ADGRL2: variants seen among roughly 807,000 people sequenced by gnomAD.
The protein encoded by ADGRL2 is adhesion G protein-coupled receptor L2, also known as calcium-independent alpha-latrotoxin receptor 2.
Under a neutral mutation model 157.4 loss-of-function variants are expected in ADGRL2, and 44 were observed. That is an observed-to-expected ratio of 0.28 (90% CI 0.22 to 0.36). The LOEUF (loss-of-function observed/expected upper bound fraction) is 0.36, where lower values mean the gene tolerates loss of function less well. Ranked by LOEUF, ADGRL2 falls within the 10% of genes least tolerant of loss-of-function variation. ADGRL2 has a pLI of 1.00. For missense variants in ADGRL2, 1,510 were observed against 1,768.9 expected (o/e 0.85, Z 2.63); for synonymous variants, 585 against 624.7 (o/e 0.94, Z 0.95).
At chr1:81,325,323 G>A (rs554524662) in intron 1 of ADGRL2, among the ~76,000 whole-genome samples, 2 of 152,248 alleles carry the variant, frequency 1.3e-5, no homozygotes, top group African/African-American at 2.4e-5. Flanking sequence ...AAGTCTACCC[G>A]ACCTGTATTT....
chr1:81,427,384 T>C (rs2077237747), intron 1 of ADGRL2: 1 of 738,710 alleles, frequency 1.4e-6, no homozygotes, highest in Non-Finnish European at 2.5e-6. Flanking sequence ...ACCAAGGTGG[T>C]AGATATGGTG....
intron 2 of ADGRL2, among the ~76,000 whole-genome samples, chr1:81,487,607 T>G (rs2078536308): frequency 6.6e-6 from 1 of 151,844 alleles, no homozygotes; most frequent in Admixed American, 6.6e-5. Flanking sequence ...ATGGCGCCAC[T>G]GAACTCCAGG....
intron 2 of ADGRL2, among the ~76,000 whole-genome samples, chr1:81,793,446 A>C (rs1388177448): frequency 6.6e-6 from 1 of 152,126 alleles, no homozygotes; most frequent in Non-Finnish European, 1.5e-5. Context: ...GTAAATCATA[A>C]ATTTAATGGC....
At chr1:81,669,125 A>G in intron 3 of ADGRL2, among the ~76,000 whole-genome samples, 1 of 152,038 alleles carries the variant, frequency 6.6e-6, no homozygotes, top group East Asian at 1.9e-4. Flanking sequence ...CTATTTTCCC[A>G]AATTCCAACA....
rs557435403 is a variant in ADGRL2, at chr1:81,371,576, C to T, written c.-302+65067C>T. ...ATAGGACAAGTATTCCATAATTAAT[C>T]ATTTATCTTCCTTGTAAATGAAACT... is the stretch of plus-strand genomic sequence containing the variant. On this transcript the variant is annotated intron_variant, in intron 1 of 24. Coordinates refer to the ADGRL2 transcript ENST00000370721. Among the ~76,000 whole-genome samples, 3 of 152,294 alleles carry T rather than the reference C, an allele frequency of 2.0e-5. No individual in the cohort carries two copies. In the South Asian group the frequency reaches 6.2e-4, roughly 32 times the overall value.
chr1:81,890,983 T>C (rs1261394453), intron 2 of ADGRL2, among the ~76,000 whole-genome samples: 1 of 152,168 alleles, frequency 6.6e-6, no homozygotes, highest in African/African-American at 2.4e-5. Context: ...GGCAGCCATC[T>C]TCATTAGCTC....
At chr1:81,879,383 G>A (rs1303918627) in intron 2 of ADGRL2, among the ~76,000 whole-genome samples, 1 of 152,100 alleles carries the variant, frequency 6.6e-6, no homozygotes, top group South Asian at 2.1e-4. Flanking sequence ...CTGAATTGCT[G>A]TGTATCTTTG....
At chr1:81,560,564 A>C (rs1366517359) in intron 2 of ADGRL2, among the ~76,000 whole-genome samples, 1 of 152,186 alleles carries the variant, frequency 6.6e-6, no homozygotes, top group East Asian at 1.9e-4. Flanking sequence ...AATTCAACAC[A>C]TCTTTTTCTG....
At chr1:81,683,327 A>G (rs2083158686) in intron 3 of ADGRL2, among the ~76,000 whole-genome samples, 1 of 152,154 alleles carries the variant, frequency 6.6e-6, no homozygotes, top group African/African-American at 2.4e-5. Context: ...TTATTGGGGT[A>G]CAGGTGATAT....
chr1:81,837,056 A>G lies in ADGRL2; in HGVS notation c.72A>G (p.Glu24=). Residue 24 remains glutamate (E), a splice_region_variant and synonymous_variant, in exon 2 of 24, where the codon GAA becomes GAG. Transcript: ENST00000686636. ...IIVISFLPNT[E]GFSRAALPFG... ...TAATCAGCTTCTTACCAAATACAGA[A>G]GGTAAGATCCAGTTTACATTTTGTT... The G allele has an allele frequency of 6.4e-7, 1 of 1,574,108 alleles. No individual in the cohort carries two copies.
chr1:81,764,051 G>A (rs1390964198), intron 2 of ADGRL2, among the ~76,000 whole-genome samples: 1 of 140,450 alleles, frequency 7.1e-6, no homozygotes, highest in Admixed American at 7.3e-5. Context: ...AATTAGCCAG[G>A]CTTGGTGGCA....
rs1211214356 is a variant in ADGRL2, at chr1:81,992,896, T to A, written c.*1751T>A. ...TATCAAGAAATAGATGTTTTCTGTTTGTATCATAAGCATTTATAGAAAATT... is the reference window on the plus strand; with the variant it reads ...TATCAAGAAATAGATGTTTTCTGTTAGTATCATAAGCATTTATAGAAAATT... On this transcript the variant is annotated 3_prime_UTR_variant, in exon 24 of 24. Coordinates refer to ENST00000686636, the MANE Select transcript of ADGRL2 (RefSeq NM_001366006.2). 2.0e-5 allele frequency among the ~76,000 whole-genome samples: 3 copies of A among 151,354 alleles called. No individual in the cohort carries two copies. The highest frequency in any genetic ancestry group is 4.4e-5 in the Non-Finnish European group (3 of 67,888).
Position 81,398,882 on chromosome 1 carries a change from G to A in ADGRL2, c.-301-46154G>A, listed in dbSNP as rs182632906. ...ACTTGACTATAATATGCCTTATAGA[G>A]AATCTTTGGGGTTGAATCTATTTGA... On this transcript the variant is annotated intron_variant, in intron 1 of 24. Transcript: ENST00000370721. Among the ~76,000 whole-genome samples the A allele has an allele frequency of 2.3e-4, 35 of 152,264 alleles. 1 individual carries two copies. The Middle Eastern group carries it at 0.01, about 44-fold the overall frequency.
At chr1:81,502,296 G>A (rs1414356284) in intron 2 of ADGRL2, 1 of 1,613,834 alleles carries the variant, frequency 6.2e-7, no homozygotes, top group African/African-American at 1.3e-5. Flanking sequence ...TCCACAGCAG[G>A]ACAGCTGAAC....
In ADGRL2 at chr1:81,394,750, T is replaced by C. The variant is rs114688312; in HGVS notation, c.-301-50286T>C. Among the ~76,000 whole-genome samples, 876 of 152,288 alleles carry C rather than the reference T, an allele frequency of 5.8e-3. 6 individuals carry two copies. Among genetic ancestry groups the C allele is most frequent in the Non-Finnish European group, 9.3e-3 (635 of 68,002 alleles). ...TCAGTAGTTGGAGTGCCAGATCATA[T>C]GGTATCTCTAGTTGAATTTTTTTCA... On this transcript the variant is annotated intron_variant, in intron 1 of 24. Transcript: ENST00000370721.
intron 1 of ADGRL2, among the ~76,000 whole-genome samples, chr1:81,347,532 G>C (rs923972183): frequency 3.3e-5 from 5 of 152,172 alleles, no homozygotes; most frequent in African/African-American, 9.7e-5. Context: ...GGTAGAACTT[G>C]CAAGCAATGC....
intron 1 of ADGRL2, among the ~76,000 whole-genome samples, chr1:81,423,741 G>A (rs1173465636): frequency 6.6e-6 from 1 of 152,174 alleles, no homozygotes; most frequent in African/African-American, 2.4e-5. Flanking sequence ...TAACTGAGAT[G>A]TAAAAAGGAA....
At chr1:81,693,449 G>A (rs368192044) in intron 3 of ADGRL2, among the ~76,000 whole-genome samples, 24 of 152,306 alleles carry the variant, frequency 1.6e-4, no homozygotes, top group Non-Finnish European at 2.5e-4. Context: ...TAATGCATTC[G>A]TCTGCACTGG....
At chr1:81,494,017 A>G (rs1437930414) in intron 2 of ADGRL2, among the ~76,000 whole-genome samples, 1 of 152,162 alleles carries the variant, frequency 6.6e-6, no homozygotes, top group African/African-American at 2.4e-5. Context: ...TGAATTGCTC[A>G]CTTCACTTTG....
Sources: allele counts gnomAD v4.1 joint callset (sites outside exome capture counted in the v4.1 genomes callset), GRCh38; gene constraint gnomAD v4.1.1; transcripts MANE v1.5; gene names NCBI Gene and HGNC (gene_info 2026-07-23, HGNC 2026-07-21).